The following TUBGCP3 variants were observed in gnomAD, a reference collection of about 807,000 sequenced individuals.
TUBGCP3 encodes the protein tubulin gamma complex component 3.
In TUBGCP3, 50 loss-of-function variants were observed where a neutral mutation model predicts 123.1. The ratio of observed to expected loss-of-function variants is 0.41; its 90% CI spans 0.32 to 0.51. TUBGCP3 has a LOEUF of 0.51. Among genes scored for constraint, TUBGCP3 ranks in the 20% least tolerant of loss-of-function variants. The pLI is 0.36. For missense variants in TUBGCP3, 882 were observed against 1,127.0 expected, an observed-to-expected ratio of 0.78 and a Z score of 3.11; for synonymous variants, 405 against 413.9, an observed-to-expected ratio of 0.98 and a Z score of 0.26.
chr13:112,522,953 G>C (rs573756795), intron 13 of TUBGCP3, among the ~76,000 whole-genome samples: 2 of 152,278 alleles, frequency 1.3e-5, no homozygotes, highest in East Asian at 3.9e-4. Flanking sequence ...GCACCATAGA[G>C]TGAACTCTAC....
chr13:112,580,315 GA>G (rs1566594660), intron 1 of TUBGCP3, among the ~76,000 whole-genome samples: 1 of 151,720 alleles, frequency 6.6e-6, no homozygotes, highest in African/African-American at 2.4e-5. Context: ...AAATTATGAA[GA>G]AAAAATAGTA....
chr13:112,536,709 C>A (rs928092759), intron 11 of TUBGCP3, among the ~76,000 whole-genome samples: 1 of 152,112 alleles, frequency 6.6e-6, no homozygotes, highest in Non-Finnish European at 1.5e-5. Flanking sequence ...TATATATAAT[C>A]TTTATTATAA....
intron 17 of TUBGCP3, among the ~76,000 whole-genome samples, chr13:112,513,981 C>T (rs1194280410): frequency 6.6e-6 from 1 of 152,176 alleles, no homozygotes; most frequent in Non-Finnish European, 1.5e-5. Context: ...TTAATCAACC[C>T]TTTGTCCAGC....
At chr13:112,525,724 C>T (rs9549534) in intron 13 of TUBGCP3, among the ~76,000 whole-genome samples, 22,123 of 152,198 alleles carry the variant, frequency 0.15, 1,916 homozygotes, top group Non-Finnish European at 0.2. Flanking sequence ...ATTCTGAATG[C>T]AATAAACACA....
At chr13:112,572,411 C>T (rs1881477887) in intron 1 of TUBGCP3, among the ~76,000 whole-genome samples, 1 of 152,076 alleles carries the variant, frequency 6.6e-6, no homozygotes, top group Admixed American at 6.6e-5. Flanking sequence ...TCTAAGTTCC[C>T]GCCCCTCACC....
At chr13:112,572,959 C>T (rs1881532744) in intron 1 of TUBGCP3, among the ~76,000 whole-genome samples, 1 of 151,972 alleles carries the variant, frequency 6.6e-6, no homozygotes, top group African/African-American at 2.4e-5. Flanking sequence ...TGTGCCTGTC[C>T]TCCACAAGGA....
At chr13:112,527,740 G>A (rs1423771511) in intron 11 of TUBGCP3, among the ~76,000 whole-genome samples, 1 of 152,190 alleles carries the variant, frequency 6.6e-6, no homozygotes, top group Non-Finnish European at 1.5e-5. Flanking sequence ...GTCCATTAGT[G>A]CCTCTGCAGC....
At position 112,558,307 on chromosome 13, in the gene TUBGCP3, C is replaced by T. The variant is rs770585945; in HGVS notation, c.437G>A (p.Arg146Gln). 4.3e-6 allele frequency: 7 copies of T among 1,613,810 alleles called. No homozygotes were observed. The highest frequency in any genetic ancestry group is 2.2e-5 in the East Asian group (1 of 44,888). The change falls in exon 5 of 22, where the codon CGG (arginine) becomes CAG (glutamine). Residue 146 changes from arginine (R) to glutamine (Q), a missense_variant. Transcript: ENST00000261965. ...GGAGCTCTGGGCTGACTGGGCACTC[C>T]GATCTTGGTAGCTCAGGGGAAGGGT... Reference protein sequence around the residue: ...PQTLPLSYQDRSAQSAQSSGS... With the variant: ...PQTLPLSYQDQSAQSAQSSGS...
chr13:112,501,577 G>A (rs1469633532), intron 19 of TUBGCP3, among the ~76,000 whole-genome samples: 1 of 152,122 alleles, frequency 6.6e-6, no homozygotes, highest in East Asian at 1.9e-4. Context: ...GAACCGCCTT[G>A]GTTTTCTTAG....
intron 1 of TUBGCP3, among the ~76,000 whole-genome samples, chr13:112,573,837 A>T (rs765012877): frequency 6.6e-6 from 1 of 152,204 alleles, no homozygotes; most frequent in Non-Finnish European, 1.5e-5. Flanking sequence ...GCCCAGTTCA[A>T]CCCGGGATGC....
intron 1 of TUBGCP3, among the ~76,000 whole-genome samples, chr13:112,586,358 A>G (rs1309758762): frequency 6.6e-6 from 1 of 152,228 alleles, no homozygotes; most frequent in Non-Finnish European, 1.5e-5. Flanking sequence ...CTAGAAAAAA[A>G]AACTCTGGAA....
intron 1 of TUBGCP3, among the ~76,000 whole-genome samples, chr13:112,583,223 G>A (rs1254860832): frequency 2.6e-5 from 4 of 152,104 alleles, no homozygotes; most frequent in Non-Finnish European, 4.4e-5. Flanking sequence ...TTAGCTATTC[G>A]TATTGTTATT....
intron 2 of TUBGCP3, 97 bp from the exon 3 acceptor site, chr13:112,565,275 T>G: frequency 3.7e-6 from 4 of 1,069,336 alleles, no homozygotes; most frequent in Non-Finnish European, 4.2e-6. Context: ...TCGCAAGTGA[T>G]GAATTCAGAG....
chr13:112,504,567 A>G, intron 18 of TUBGCP3, 59 bp downstream of exon 18: 1 of 1,194,752 alleles, frequency 8.4e-7, no homozygotes, highest in Non-Finnish European at 1.2e-6. Context: ...TATATATACC[A>G]TGTAAAAGCC....
chr13:112,551,676 T>C (rs1040540785), intron 8 of TUBGCP3, among the ~76,000 whole-genome samples: 1 of 152,160 alleles, frequency 6.6e-6, no homozygotes, highest in Non-Finnish European at 1.5e-5. Flanking sequence ...TCAATCAAAC[T>C]TGCTGAGGTT....
intron 1 of TUBGCP3, among the ~76,000 whole-genome samples, chr13:112,571,472 G>C (rs944123750): frequency 6.6e-6 from 1 of 152,206 alleles, no homozygotes; most frequent in Non-Finnish European, 1.5e-5. Context: ...TCTAGGCTTT[G>C]TCGTTTCATT....
chr13:112,521,318 G>T (rs1876604292), intron 14 of TUBGCP3, among the ~76,000 whole-genome samples: 1 of 152,232 alleles, frequency 6.6e-6, no homozygotes, highest in Admixed American at 6.5e-5. Flanking sequence ...GCCAGCTATG[G>T]CTGTGTACGC....
intron 20 of TUBGCP3, among the ~76,000 whole-genome samples, chr13:112,491,759 T>C (rs1228897629): frequency 6.6e-6 from 1 of 152,168 alleles, no homozygotes; most frequent in Non-Finnish European, 1.5e-5. Flanking sequence ...GAGCTGGGAT[T>C]ACAGGCATGA....
At chr13:112,580,926 G>C (rs1199039238) in intron 1 of TUBGCP3, among the ~76,000 whole-genome samples, 4 of 152,212 alleles carry the variant, frequency 2.6e-5, no homozygotes, top group Non-Finnish European at 5.9e-5. Flanking sequence ...GAAGTCTCCT[G>C]AGGAGCTGCT....
Sources: gnomAD v4.1 joint callset for allele counts (sites outside exome capture counted in the v4.1 genomes callset) on GRCh38, gnomAD v4.1.1 for gene constraint, MANE v1.5 for transcripts, NCBI Gene and HGNC (gene_info 2026-07-23, HGNC 2026-07-21) for gene names.